Variants in DPYSL2 observed in about 807,000 individuals in gnomAD.
DPYSL2 encodes the protein dihydropyrimidinase like 2, also known as dihydropyrimidinase-related protein 2.
DPYSL2 carries 13 observed loss-of-function variants against 69.9 expected under a neutral mutation model. That is an observed-to-expected ratio of 0.19 (90% CI 0.12 to 0.30). The LOEUF is 0.30. Among genes scored for constraint, DPYSL2 ranks in the 10% least tolerant of loss-of-function variants. DPYSL2 has a pLI of 1.00. For synonymous variants in DPYSL2, 326 were observed against 359.1 expected (o/e 0.91, Z 1.04); for missense variants, 587 against 918.9 (o/e 0.64, Z 4.67).
chr8:26,599,790 T>C (rs1801951195), intron 3 of DPYSL2, among the ~76,000 whole-genome samples: 1 of 152,162 alleles, frequency 6.6e-6, no homozygotes, highest in African/African-American at 2.4e-5. Flanking sequence ...AGATTCACTC[T>C]CTGAAAGTGT....
At chr8:26,584,194 A>G (rs566733263) in intron 3 of DPYSL2, among the ~76,000 whole-genome samples, 68 of 152,296 alleles carry the variant, frequency 4.5e-4, no homozygotes, top group African/African-American at 1.6e-3. Context: ...ACTAGAGAAT[A>G]TGGTTCTAAG....
chr8:26,515,266 C>A (rs564736921), intron 1 of DPYSL2, among the ~76,000 whole-genome samples: 70 of 152,256 alleles, frequency 4.6e-4, no homozygotes, highest in Middle Eastern at 3.4e-3. Flanking sequence ...CTGCTCGCAG[C>A]GTGAGAAGAG....
In DPYSL2 at chr8:26,617,581, T is replaced by C. The variant is rs566097215; in HGVS notation, c.629-6562T>C. 6.6e-6 allele frequency among the ~76,000 whole-genome samples: 1 copy of C among 152,168 alleles called. No homozygotes were observed. The highest frequency in any genetic ancestry group is 6.5e-5 in the Admixed American group (1 of 15,300). ...CTCCAAACGGGTCTTCTCTTTGAAG[T>C]TTTAGGGAGCAGCTTATTTACTTTG... On this transcript the variant is annotated intron_variant, in intron 3 of 13. Transcript: ENST00000521913. This position sits in a 1 kb window ranked among gnomAD's most constrained non-coding sequence, Gnocchi z 4.7.
In DPYSL2 at chr8:26,580,071, T is replaced by C. The variant is rs1264500249; in HGVS notation, c.355-1898T>C. Among the ~76,000 whole-genome samples, 1 of 151,794 alleles carries C rather than the reference T, an allele frequency of 6.6e-6. No homozygotes were observed. The highest frequency in any genetic ancestry group is 1.5e-5 in the Non-Finnish European group (1 of 67,966). ...TATGTAAGAGCCTTCTGGAAGGCAC[T>C]AGAGTGAACGGGGGTGTGGTGTTTC... On this transcript the variant is annotated intron_variant, in intron 1 of 13. Coordinates refer to ENST00000521913, the MANE Select transcript of DPYSL2 (RefSeq NM_001197293.3). The surrounding 1 kb of genome is among the most constrained non-coding windows in gnomAD (Gnocchi z 4.1).
chr8:26,543,145 T>C (rs1365525242), intron 1 of DPYSL2, among the ~76,000 whole-genome samples: 2 of 152,172 alleles, frequency 1.3e-5, no homozygotes, highest in Non-Finnish European at 2.9e-5. Flanking sequence ...AACTGAAACA[T>C]AAAGCAACAG....
rs573274377 is a variant in DPYSL2, at chr8:26,642,556, T to C, written c.1127-883T>C. Among the ~76,000 whole-genome samples, 4 of 152,168 alleles carry C rather than the reference T, an allele frequency of 2.6e-5. No individual in the cohort carries two copies. Among genetic ancestry groups the C allele is most frequent in the African/African-American group, 9.6e-5 (4 of 41,530 alleles). On this transcript the variant is annotated intron_variant, in intron 8 of 13. Coordinates refer to ENST00000521913, the MANE Select transcript of DPYSL2 (RefSeq NM_001197293.3). This position sits in a 1 kb window ranked among gnomAD's most constrained non-coding sequence, Gnocchi z 5.3. ...GAGCAAACGTAAATCTAAGGTCCAA[T>C]TGGGAGGCTCTGTTGGAATGAGCTG...
intron 1 of DPYSL2, among the ~76,000 whole-genome samples, chr8:26,547,394 C>T (rs1237467277): frequency 2.0e-5 from 3 of 151,122 alleles, no homozygotes; most frequent in Non-Finnish European, 2.9e-5. Context: ...GGAGCAGAAG[C>T]CCACTGCAGC....
intron 1 of DPYSL2, among the ~76,000 whole-genome samples, chr8:26,575,473 C>T (rs1801312246): frequency 6.6e-6 from 1 of 152,116 alleles, no homozygotes; most frequent in African/African-American, 2.4e-5. Context: ...AGACAGTTCT[C>T]TTCCTCGGTC....
At chr8:26,631,141 G>A (rs1271189036) in intron 7 of DPYSL2, among the ~76,000 whole-genome samples, 1 of 152,186 alleles carries the variant, frequency 6.6e-6, no homozygotes, top group East Asian at 1.9e-4. Context: ...TTGCTGAAGA[G>A]GAAAATGCTC....
At chr8:26,606,106 G>A (rs1309775918) in intron 3 of DPYSL2, among the ~76,000 whole-genome samples, 1 of 152,118 alleles carries the variant, frequency 6.6e-6, no homozygotes, top group Non-Finnish European at 1.5e-5. Flanking sequence ...AGAAGAGACA[G>A]CTATATAAGC....
intron 1 of DPYSL2, among the ~76,000 whole-genome samples, chr8:26,523,113 CTTT>C (rs1212551605): frequency 6.6e-6 from 1 of 151,068 alleles, no homozygotes; most frequent in Non-Finnish European, 1.5e-5. Flanking sequence ...AAAACTCCTT[CTTT>C]GTGTGTGCAT....
chr8:26,556,753 T>C (rs1383716255), intron 1 of DPYSL2, among the ~76,000 whole-genome samples: 1 of 151,894 alleles, frequency 6.6e-6, no homozygotes, highest in Non-Finnish European at 1.5e-5. Flanking sequence ...AATCTAAAGT[T>C]TATATGGAGA....
chr8:26,530,799 A>G (rs1476375724), intron 1 of DPYSL2, among the ~76,000 whole-genome samples: 7 of 152,194 alleles, frequency 4.6e-5, no homozygotes, highest in Admixed American at 4.6e-4. Flanking sequence ...TGGTGGCTTT[A>G]GCAAATCACC....
intron 7 of DPYSL2, among the ~76,000 whole-genome samples, chr8:26,628,813 G>A (rs1802675048): frequency 6.6e-6 from 1 of 152,210 alleles, no homozygotes; most frequent in African/African-American, 2.4e-5. Context: ...CTGGGAGGGA[G>A]GAGCTTGGCA....
intron 3 of DPYSL2, among the ~76,000 whole-genome samples, chr8:26,603,890 A>G (rs956980426): frequency 1.3e-5 from 2 of 152,214 alleles, no homozygotes; most frequent in African/African-American, 4.8e-5. Flanking sequence ...ATTGATTGAT[A>G]GATACATGGG....
intron 3 of DPYSL2, among the ~76,000 whole-genome samples, chr8:26,622,158 C>CTTCCCTCT (rs1554544255): frequency 1.2e-3 from 44 of 36,380 alleles, no homozygotes; most frequent in African/African-American, 3.7e-3. Flanking sequence ...TCCTTCCTTC[C>CTTCCCTCT]CTCTCTCTCT....
At chr8:26,575,099 G>A (rs755146907) in intron 1 of DPYSL2, among the ~76,000 whole-genome samples, 3 of 152,176 alleles carry the variant, frequency 2.0e-5, no homozygotes, top group Non-Finnish European at 2.9e-5. Flanking sequence ...ATGCCCGTCT[G>A]ATTTTTGCAT....
intron 1 of DPYSL2, among the ~76,000 whole-genome samples, chr8:26,568,554 G>T (rs995126047): frequency 6.6e-6 from 1 of 152,138 alleles, no homozygotes; most frequent in Admixed American, 6.6e-5. Context: ...TATCCAAATG[G>T]ACTACTTTCA....
intron 1 of DPYSL2, among the ~76,000 whole-genome samples, chr8:26,575,378 C>A (rs115891257): frequency 2.6e-5 from 4 of 151,952 alleles, no homozygotes; most frequent in Admixed American, 2.6e-4. Context: ...TTCATCAGTG[C>A]AAAGCAGGTG....
Sources: allele counts gnomAD v4.1 joint callset (sites outside exome capture counted in the v4.1 genomes callset), GRCh38; gene constraint gnomAD v4.1.1; non-coding constraint Gnocchi (gnomAD v3.1); transcripts MANE v1.5; gene names NCBI Gene and HGNC (gene_info 2026-07-23, HGNC 2026-07-21).